SRGAP3: variants seen among roughly 807,000 people sequenced by gnomAD.
SRGAP3 encodes SLIT-ROBO Rho GTPase-activating protein 3.
SRGAP3 carries 39 observed loss-of-function variants against 121.1 expected under a neutral mutation model. That is an observed-to-expected ratio of 0.32 (90% CI 0.25 to 0.42). SRGAP3 has a LOEUF of 0.42. SRGAP3 is among the 10% of genes least tolerant of loss of function. SRGAP3 has a pLI of 1.00. For missense variants in SRGAP3, 1,213 were observed against 1,470.6 expected (o/e 0.82, Z 2.86); for synonymous variants, 601 against 570.0 (o/e 1.05, Z -0.77).
chr3:9,047,854 T>A (rs1399293560), intron 9 of SRGAP3, among the ~76,000 whole-genome samples: 3 of 152,200 alleles, frequency 2.0e-5, no homozygotes, highest in African/African-American at 7.2e-5. Context: ...GCAATAAAAA[T>A]GGGAGCCGTC....
intron 1 of SRGAP3, among the ~76,000 whole-genome samples, chr3:9,196,401 G>A (rs894599996): frequency 4.6e-5 from 7 of 152,314 alleles, no homozygotes; most frequent in African/African-American, 1.7e-4. Flanking sequence ...CCAGAAGGTC[G>A]TCTTTGGATC....
chr3:9,234,145 AAAC>A (rs1236020960), intron 1 of SRGAP3, among the ~76,000 whole-genome samples: 1 of 152,206 alleles, frequency 6.6e-6, no homozygotes, highest in Non-Finnish European at 1.5e-5. Flanking sequence ...AAATAAATTC[AAAC>A]AACCACAACC....
chr3:9,046,028 G>A (rs376778771), intron 10 of SRGAP3, among the ~76,000 whole-genome samples: 5 of 151,724 alleles, frequency 3.3e-5, no homozygotes, highest in South Asian at 4.2e-4. Flanking sequence ...CCCTTTACCC[G>A]CTGGCCCAAT....
chr3:9,101,116 T>C (rs754225633), intron 3 of SRGAP3, among the ~76,000 whole-genome samples: 7 of 152,236 alleles, frequency 4.6e-5, no homozygotes, highest in Non-Finnish European at 8.8e-5. Flanking sequence ...GAATTTTCTA[T>C]TGATCACGGA....
chr3:9,073,923 T>C (rs1015123161), intron 4 of SRGAP3, among the ~76,000 whole-genome samples: 2 of 152,230 alleles, frequency 1.3e-5, no homozygotes, highest in Non-Finnish European at 2.9e-5. Context: ...AATAACCTAG[T>C]AACTGAGATT....
chr3:9,254,617 G>T (rs1954086936), upstream of SRGAP3, among the ~76,000 whole-genome samples: 1 of 152,022 alleles, frequency 6.6e-6, no homozygotes, highest in African/African-American at 2.4e-5. Flanking sequence ...ATCATAGAGA[G>T]ACCTCTTCTC....
intron 17 of SRGAP3, among the ~76,000 whole-genome samples, chr3:9,012,349 T>C (rs1234567029): frequency 6.6e-6 from 1 of 152,208 alleles, no homozygotes; most frequent in Admixed American, 6.5e-5. Context: ...CTCTCCTGAA[T>C]TGGAAATAAA....
chr3:9,222,339 C>T (rs751657741), intron 1 of SRGAP3, among the ~76,000 whole-genome samples: 2 of 152,164 alleles, frequency 1.3e-5, no homozygotes, highest in Admixed American at 6.5e-5. Context: ...AGTGTACTAC[C>T]GATTCGTAGA....
At chr3:9,313,773 T>C (rs1955293011) in intron 3 of SRGAP3, among the ~76,000 whole-genome samples, 1 of 152,064 alleles carries the variant, frequency 6.6e-6, no homozygotes, top group Non-Finnish European at 1.5e-5. Flanking sequence ...GATGGACAGA[T>C]CACCTGAGAT....
chr3:8,990,521 G>A lies in SRGAP3; in HGVS notation c.2877C>T (p.Ala959=). 6.4e-7 allele frequency: 1 copy of A among 1,556,214 alleles called. No individual in the cohort carries two copies. The highest frequency in any genetic ancestry group is 8.7e-7 in the Non-Finnish European group (1 of 1,150,062). Residue 959 remains alanine (A), a synonymous_variant, in exon 21 of 22, where the codon GCC becomes GCT. Coordinates refer to ENST00000383836, the MANE Select transcript of SRGAP3 (RefSeq NM_014850.4). ...LGDHKSLEAE[A]LAEDIEKTMS... Reference sequence around the variant, plus strand: ...TCCCGCTGGCCCTTACTTCTGCCAGGGCCTCGGCCTCCAGGGACTTGTGGT... The same window carrying A: ...TCCCGCTGGCCCTTACTTCTGCCAGAGCCTCGGCCTCCAGGGACTTGTGGT...
chr3:9,335,471 T>A (rs1486446836), intron 1 of SRGAP3, among the ~76,000 whole-genome samples: 1 of 152,194 alleles, frequency 6.6e-6, no homozygotes, highest in Non-Finnish European at 1.5e-5. Flanking sequence ...CTCCAAGTAA[T>A]GTTTCCAGCT....
At chr3:9,266,078 T>C (rs879191893) in intron 3 of SRGAP3, among the ~76,000 whole-genome samples, 2 of 152,180 alleles carry the variant, frequency 1.3e-5, no homozygotes, top group African/African-American at 4.8e-5. Context: ...TGCAGGGACA[T>C]GGATGAAGCT....
At chr3:9,101,840 G>C (rs1948227689) in intron 3 of SRGAP3, among the ~76,000 whole-genome samples, 1 of 152,150 alleles carries the variant, frequency 6.6e-6, no homozygotes, top group African/African-American at 2.4e-5. Flanking sequence ...ATTTTGCTAG[G>C]GCTGATCCAC....
At chr3:9,260,691 A>C (rs2600157) in intron 3 of SRGAP3, among the ~76,000 whole-genome samples, 96,124 of 151,678 alleles carry the variant, frequency 0.63, 31,346 homozygotes, top group Non-Finnish European at 0.71. Context: ...TGGGACAGAG[A>C]ACCTGGGGGA....
chr3:9,056,467 T>A, intron 7 of SRGAP3, 133 bp from the exon 8 acceptor site: 1 of 906,422 alleles, frequency 1.1e-6, no homozygotes, highest in Non-Finnish European at 1.7e-6. Flanking sequence ...AGTGACCTGC[T>A]CAAGGTCACA....
chr3:9,212,330 C>T (rs959434882), intron 1 of SRGAP3, among the ~76,000 whole-genome samples: 7 of 152,312 alleles, frequency 4.6e-5, no homozygotes, highest in African/African-American at 1.4e-4. Flanking sequence ...CCAAGAGGTG[C>T]TCACAAGTCA....
rs1233700584 is a variant in SRGAP3, at chr3:9,112,196, C to T, written c.261-7354G>A. ...TTCCAGATGAATCCAAAGCCACTGC[C>T]CTGGGATCAGGGTCCCTCTGGGAGG... On this transcript the variant is annotated intron_variant, in intron 2 of 21. Transcript: ENST00000383836. Among the ~76,000 whole-genome samples, 5 of 152,202 alleles carry T rather than the reference C, an allele frequency of 3.3e-5. 1 individual carries two copies. The South Asian group carries it at 8.3e-4, about 25-fold the overall frequency.
chr3:9,304,789 C>T (rs1352089623), intron 3 of SRGAP3, among the ~76,000 whole-genome samples: 1 of 152,130 alleles, frequency 6.6e-6, no homozygotes, highest in Non-Finnish European at 1.5e-5. Context: ...ATTTTGAGTC[C>T]CTTATTCCTG....
At chr3:9,153,263 T>C (rs568370234) in intron 1 of SRGAP3, among the ~76,000 whole-genome samples, 1 of 152,202 alleles carries the variant, frequency 6.6e-6, no homozygotes, top group South Asian at 2.1e-4. Context: ...ATAATAACAA[T>C]AATAATAATA....
Sources: gnomAD v4.1 joint callset for allele counts (sites outside exome capture counted in the v4.1 genomes callset) on GRCh38, gnomAD v4.1.1 for gene constraint, MANE v1.5 for transcripts, NCBI Gene and HGNC (gene_info 2026-07-23, HGNC 2026-07-21) for gene names.